BCKDHB: variants seen among roughly 807,000 people sequenced by gnomAD.
The protein encoded by BCKDHB is 2-oxoisovalerate dehydrogenase subunit beta, mitochondrial.
A neutral mutation model predicts 48.5 loss-of-function variants in BCKDHB; 41 were observed. That is an observed-to-expected ratio of 0.85 (90% CI 0.66 to 1.10). The LOEUF (loss-of-function observed/expected upper bound fraction) is 1.10. Ranked by LOEUF, BCKDHB falls within the 50% of genes least tolerant of loss-of-function variation. The probability of loss-of-function intolerance (pLI) is 0.00; values close to 1 mark genes in which losing one functional copy is unlikely to be tolerated. For synonymous variants in BCKDHB, 201 were observed against 174.8 expected (o/e 1.15, Z -1.18); for missense variants, 496 against 494.2 (o/e 1.00, Z -0.03).
chr6:80,315,177 A>G (rs532122480), intron 9 of BCKDHB, among the ~76,000 whole-genome samples: 1 of 152,108 alleles, frequency 6.6e-6, no homozygotes, highest in South Asian at 2.1e-4. Context: ...CTTGCTGGGG[A>G]TCCCGGGGCC....
intron 9 of BCKDHB, among the ~76,000 whole-genome samples, chr6:80,318,413 G>A (rs935195513): frequency 2.2e-4 from 34 of 152,220 alleles, no homozygotes; most frequent in African/African-American, 8.2e-4. Context: ...GGGGCTAGGC[G>A]TGGTGGCTCA....
At chr6:80,420,771 G>A in the BCKDHB span, among the ~76,000 whole-genome samples, 90 of 152,338 alleles carry the variant, frequency 5.9e-4, no homozygotes, top group Admixed American at 5.9e-4. Context: ...GATGCCCTCA[G>A]TGTTCTGGGT....
intron 1 of BCKDHB, among the ~76,000 whole-genome samples, chr6:80,107,518 T>TATATATATGC (rs138189568): frequency 0.061 from 7,432 of 121,330 alleles, 576 homozygotes; most frequent in South Asian, 0.19. Flanking sequence ...TGTGCGCATA[T>TATATATATGC]ATATATATAT....
intron 1 of BCKDHB, among the ~76,000 whole-genome samples, chr6:80,116,818 G>C (rs923460584): frequency 4.6e-5 from 7 of 152,158 alleles, no homozygotes; most frequent in African/African-American, 1.7e-4. Flanking sequence ...TGCATAATTA[G>C]GTAACTGTGC....
chr6:80,157,731 G>A (rs909090663), intron 3 of BCKDHB, among the ~76,000 whole-genome samples: 3 of 151,356 alleles, frequency 2.0e-5, no homozygotes, highest in Admixed American at 6.6e-5. Flanking sequence ...CGCCCACCTC[G>A]GCCTCCCAAA....
intron 1 of BCKDHB, among the ~76,000 whole-genome samples, chr6:80,110,415 T>G (rs9359408): frequency 0.37 from 55,831 of 152,072 alleles, 12,262 homozygotes; most frequent in Admixed American, 0.56. Context: ...ATCCAGGATT[T>G]GGCTATACAC....
At chr6:80,406,029 T>C in the BCKDHB span, among the ~76,000 whole-genome samples, 397 of 152,184 alleles carry the variant, frequency 2.6e-3, 4 homozygotes, top group African/African-American at 9.1e-3. Flanking sequence ...CTAGTGTCCA[T>C]GTGTTCTCAT....
intron 1 of BCKDHB, among the ~76,000 whole-genome samples, chr6:80,118,300 C>A (rs547062865): frequency 3.3e-5 from 5 of 152,238 alleles, no homozygotes; most frequent in African/African-American, 1.2e-4. Flanking sequence ...AACATGTTTA[C>A]ATTGTACTGT....
intron 1 of BCKDHB, among the ~76,000 whole-genome samples, chr6:80,124,816 T>C (rs1489340447): frequency 6.6e-6 from 1 of 152,156 alleles, no homozygotes; most frequent in African/African-American, 2.4e-5. Flanking sequence ...GAAACCCTGA[T>C]ATAAATAGAT....
At chr6:80,242,849 C>T (rs917877857) in intron 8 of BCKDHB, among the ~76,000 whole-genome samples, 1 of 151,974 alleles carries the variant, frequency 6.6e-6, no homozygotes, top group Non-Finnish European at 1.5e-5. Flanking sequence ...TAGATGAGAA[C>T]AGATAAAGTA....
chr6:80,419,302 T>A, the BCKDHB span, among the ~76,000 whole-genome samples: 1 of 152,154 alleles, frequency 6.6e-6, no homozygotes, highest in African/African-American at 2.4e-5. Flanking sequence ...AGTTCTCTGC[T>A]GGTCAAGCAT....
chr6:80,220,304 G>GTTTTTTTTTTTTTTTTT (rs56967096), intron 8 of BCKDHB, among the ~76,000 whole-genome samples: 12 of 60,858 alleles, frequency 2.0e-4, no homozygotes, highest in Non-Finnish European at 3.2e-4. Context: ...CATGCTATTT[G>GTTTTTTTTTTTTTTTTT]TTTTTTTTTT....
the BCKDHB span, among the ~76,000 whole-genome samples, chr6:80,443,939 A>G: frequency 6.6e-6 from 1 of 152,052 alleles, no homozygotes; most frequent in Non-Finnish European, 1.5e-5. Flanking sequence ...AGACTTAGTT[A>G]CATAACACTG....
In BCKDHB at chr6:80,344,859, C is replaced by T. The variant is rs541652259; in HGVS notation, c.*1055C>T. The T allele has an allele frequency of 2.6e-5, 4 of 152,084 alleles. No homozygotes were observed. The highest frequency in any genetic ancestry group is 1.9e-4 in the East Asian group (1 of 5,194). The allele number at this position is 152,084 out of a possible 1,614,324, so 9.4% of individuals were successfully genotyped here. A position where few individuals can be genotyped will look rare whatever the true frequency, so the allele number is the denominator to read the frequency against. ...TATTTAAAAATGGCCCCTCAAGCAC[C>T]GTTAATTTACATTCCAGTTATTTAC... On this transcript the variant is annotated 3_prime_UTR_variant, in exon 10 of 10. Coordinates refer to ENST00000320393, the MANE Select transcript of BCKDHB (RefSeq NM_183050.4).
At chr6:80,454,228 G>A in the BCKDHB span, 1 of 152,162 alleles carries the variant, frequency 6.6e-6, no homozygotes. Flanking sequence ...AGAGCTACAG[G>A]TAATTAGCAC....
At chr6:80,194,966 C>G (rs1469627678) in intron 6 of BCKDHB, among the ~76,000 whole-genome samples, 1 of 152,154 alleles carries the variant, frequency 6.6e-6, no homozygotes. Flanking sequence ...CTGTTGCTCC[C>G]AGGAGTCCTC....
chr6:80,302,154 A>G (rs887146700), intron 9 of BCKDHB, among the ~76,000 whole-genome samples: 10 of 152,164 alleles, frequency 6.6e-5, no homozygotes, highest in South Asian at 4.1e-4. Context: ...GGCCAGAGCA[A>G]TCAGGCAAGA....
At chr6:80,411,448 G>A in the BCKDHB span, among the ~76,000 whole-genome samples, 1 of 152,352 alleles carries the variant, frequency 6.6e-6, no homozygotes, top group East Asian at 1.9e-4. Flanking sequence ...CATTCTGTCT[G>A]TTCTCAGAGC....
At chr6:80,174,134 A>G (rs1773042602) in intron 6 of BCKDHB, among the ~76,000 whole-genome samples, 1 of 152,094 alleles carries the variant, frequency 6.6e-6, no homozygotes, top group African/African-American at 2.4e-5. Flanking sequence ...TTCTTTTTAA[A>G]TTTCTTGTGT....
Sources: allele counts gnomAD v4.1 joint callset (sites outside exome capture counted in the v4.1 genomes callset), GRCh38; gene constraint gnomAD v4.1.1; transcripts MANE v1.5; gene names NCBI Gene and HGNC (gene_info 2026-07-23, HGNC 2026-07-21).